CEP164: variants seen among roughly 807,000 people sequenced by gnomAD.
The protein encoded by CEP164 is centrosomal protein 164.
Under a neutral mutation model 182.7 loss-of-function variants are expected in CEP164, and 162 were observed. The ratio of observed to expected loss-of-function variants is 0.89; its 90% CI spans 0.78 to 1.01. The LOEUF (loss-of-function observed/expected upper bound fraction) is 1.01. Among genes scored for constraint, CEP164 ranks in the 50% least tolerant of loss-of-function variants. CEP164 has a pLI of 0.00. For missense variants in CEP164, 1,735 were observed against 1,790.4 expected, an observed-to-expected ratio of 0.97 and a Z score of 0.56; for synonymous variants, 661 against 690.0, an observed-to-expected ratio of 0.96 and a Z score of 0.66.
intron 8 of CEP164, among the ~76,000 whole-genome samples, chr11:117,369,141 A>G (rs1002224521): frequency 1.3e-5 from 2 of 152,368 alleles, no homozygotes; most frequent in Non-Finnish European, 1.5e-5. Context: ...AGTGTTTGGC[A>G]CATAGAATGT....
chr11:117,370,681 C>T lies in CEP164; in HGVS notation c.766-399C>T, dbSNP rs927719892. Among the ~76,000 whole-genome samples the T allele has an allele frequency of 8.5e-5, 13 of 152,086 alleles. No individual in the cohort carries two copies. In the East Asian group the frequency reaches 1.9e-3, roughly 23 times the overall value. The stretch of plus-strand genomic sequence containing the variant: ...ATCCCAGCACTTTGGGAGGCTGAGG[C>T]GGGTGGATTGCTTGAGGCCAGGAGT... On this transcript the variant is annotated intron_variant, in intron 8 of 32. Transcript: ENST00000278935.
chr11:117,377,236 A>T (rs1302424944), intron 11 of CEP164, among the ~76,000 whole-genome samples: 1 of 152,126 alleles, frequency 6.6e-6, no homozygotes, highest in East Asian at 1.9e-4. Context: ...GGAGTGCGCA[A>T]CCTAGATCCC....
At chr11:117,356,704 C>T in intron 5 of CEP164, 2 of 1,150,940 alleles carry the variant, frequency 1.7e-6, no homozygotes, top group South Asian at 1.6e-5. Flanking sequence ...AGCCATCAGG[C>T]CTGCATTCCT....
Position 117,404,478 on chromosome 11 carries a change from G to A in CEP164, c.3502-3447G>A, listed in dbSNP as rs375121365. 1.5e-4 allele frequency among the ~76,000 whole-genome samples: 23 copies of A among 152,284 alleles called. No homozygotes were observed. In the East Asian group the frequency reaches 3.3e-3, roughly 22 times the overall value. ...CCCTATTTGCTTGGATATCACCAGC[G>A]GAGGCTGCAGAACAGCAAAGATTGC... On this transcript the variant is annotated intron_variant, in intron 27 of 32. Coordinates refer to ENST00000278935, the MANE Select transcript of CEP164 (RefSeq NM_014956.5).
At chr11:117,377,197 C>A (rs2042844830) in intron 11 of CEP164, among the ~76,000 whole-genome samples, 1 of 151,884 alleles carries the variant, frequency 6.6e-6, no homozygotes, top group South Asian at 2.1e-4. Flanking sequence ...CCAGATGGGG[C>A]CAGGGGTGGG....
chr11:117,409,750 T>C lies in CEP164; in HGVS notation c.3881T>C (p.Leu1294Pro), dbSNP rs746986183. ...SLNPQSPPPL[L>P]ASMPAQLPPR... is the part of the protein sequence containing the mutation. ...AACCCTCAGTCGCCGCCGCCGCTCC[T>C]CGCCTCCATGCCAGCCCAGCTCCCT... The change falls in exon 30 of 33, where the codon CTC (leucine) becomes CCC (proline). Residue 1294 changes from leucine to proline, a missense_variant. Coordinates refer to ENST00000278935, the MANE Select transcript of CEP164 (RefSeq NM_014956.5). The surrounding 1 kb of genome is among the most constrained non-coding windows in gnomAD (Gnocchi z 4.4). The C allele has an allele frequency of 6.2e-7, 1 of 1,614,002 alleles. No homozygotes were observed. The highest frequency in any genetic ancestry group is 1.3e-5 in the African/African-American group (1 of 75,036).
chr11:117,408,733 A>C, intron 28 of CEP164, 157 bp from the exon 29 acceptor site: 14 of 853,720 alleles, frequency 1.6e-5, no homozygotes, highest in Non-Finnish European at 2.1e-5. Context: ...ACAAATGGAG[A>C]TGGCCATATT....
chr11:117,382,681 T>G, intron 13 of CEP164, 115 bp from the exon 14 acceptor site: 1 of 1,256,204 alleles, frequency 8.0e-7, no homozygotes, highest in South Asian at 1.4e-5. Flanking sequence ...GGTAGGGAAA[T>G]TGTTGGGCTG....
At position 117,363,430 on chromosome 11, in the gene CEP164, G is replaced by T. The variant is rs1422612600; in HGVS notation, c.689G>T (p.Ser230Ile). 6.2e-7 allele frequency: 1 copy of T among 1,612,654 alleles called. No homozygotes were observed. ...EEDEEESDNQ[S>I]VHSSSEPLRN... Reference sequence around the variant, plus strand: ...ACTTGTCATCATTTTTGTTTCTAGAGTGTCCACAGCTCAAGTGAGCCTCTT... The same window carrying T: ...ACTTGTCATCATTTTTGTTTCTAGATTGTCCACAGCTCAAGTGAGCCTCTT... The change falls in exon 8 of 33, where the codon AGT becomes ATT. Residue 230 changes from serine (S) to isoleucine (I), a missense_variant and splice_region_variant. Coordinates refer to ENST00000278935, the MANE Select transcript of CEP164 (RefSeq NM_014956.5).
chr11:117,331,836 T>C (rs1324717348), intron 1 of CEP164, among the ~76,000 whole-genome samples: 3 of 151,424 alleles, frequency 2.0e-5, no homozygotes, highest in East Asian at 1.9e-4. Flanking sequence ...AGCCTCGAAC[T>C]CCTGGTCTCA....
intron 27 of CEP164, among the ~76,000 whole-genome samples, chr11:117,400,203 T>C (rs2045973032): frequency 6.6e-6 from 1 of 152,244 alleles, no homozygotes; most frequent in Non-Finnish European, 1.5e-5. Context: ...TTTCTGCATA[T>C]GGCTAGTCAG....
chr11:117,388,138 C>G (rs1030434067), intron 15 of CEP164, among the ~76,000 whole-genome samples: 2 of 152,218 alleles, frequency 1.3e-5, no homozygotes, highest in African/African-American at 4.8e-5. Flanking sequence ...CCTTAAGGTG[C>G]AGCACCTTGG....
chr11:117,411,891 G>T lies in CEP164; in HGVS notation c.4260G>T (p.Leu1420=). The T allele has an allele frequency of 6.2e-7, 1 of 1,614,152 alleles. No homozygotes were observed. The highest frequency in any genetic ancestry group is 8.5e-7 in the Non-Finnish European group (1 of 1,180,024). The change falls in exon 32 of 33, where the codon CTG becomes CTT. Residue 1420 remains leucine (L), a synonymous_variant. Coordinates refer to ENST00000278935, the MANE Select transcript of CEP164 (RefSeq NM_014956.5). This position sits in a 1 kb window ranked among gnomAD's most constrained non-coding sequence, Gnocchi z 4.4. ...TAATTGAGGCCAACCGGAGGTGGCT[G>T]GAACGTGTCAAGAATGACCCCAGGT... The part of the protein sequence containing the change: ...QGIIEANRRW[L]ERVKNDPRLP...
At position 117,411,570 on chromosome 11, in the gene CEP164, A is replaced by G; in HGVS notation, c.4164-225A>G. On this transcript the variant is annotated intron_variant, in intron 31 of 32. Coordinates refer to ENST00000278935, the MANE Select transcript of CEP164 (RefSeq NM_014956.5). This position sits in a 1 kb window ranked among gnomAD's most constrained non-coding sequence, Gnocchi z 4.4. ...ATGTGGGAGCCCAGAGCCTTGTATC[A>G]GTAGCACCCAGCAAGGGGGCAGAGG... 1 of 511,734 alleles carries G rather than the reference A, an allele frequency of 2.0e-6. No individual in the cohort carries two copies. Among genetic ancestry groups the G allele is most frequent in the Non-Finnish European group, 3.5e-6 (1 of 288,406 alleles). The allele number at this position is 511,734 out of a possible 1,614,324, so 31.7% of individuals were successfully genotyped here.
intron 3 of CEP164, among the ~76,000 whole-genome samples, chr11:117,339,520 TTG>T (rs1287737830): frequency 0.096 from 8,160 of 85,374 alleles, 1,072 homozygotes; most frequent in East Asian, 0.21. Flanking sequence ...CCTTTGTTTT[TTG>T]TTTTTTTTTT....
At chr11:117,364,469 A>G (rs1464383219) in intron 8 of CEP164, among the ~76,000 whole-genome samples, 1 of 152,106 alleles carries the variant, frequency 6.6e-6, no homozygotes, top group Non-Finnish European at 1.5e-5. Context: ...TTGGTGTCTC[A>G]GGCCACTTGA....
At chr11:117,355,808 G>A (rs921246461) in intron 5 of CEP164, 16 of 1,090,904 alleles carry the variant, frequency 1.5e-5, no homozygotes, top group Non-Finnish European at 1.8e-5. Flanking sequence ...GGCTCTAGGG[G>A]CCTCAGCTGA....
intron 1 of CEP164, among the ~76,000 whole-genome samples, chr11:117,329,174 G>T (rs1160316665): frequency 6.6e-6 from 1 of 151,442 alleles, no homozygotes; most frequent in Non-Finnish European, 1.5e-5. Context: ...CTAGTACACT[G>T]CAGCCTCGAA....
intron 2 of CEP164, among the ~76,000 whole-genome samples, chr11:117,336,788 C>T (rs1021372728): frequency 6.6e-6 from 1 of 151,978 alleles, no homozygotes; most frequent in African/African-American, 2.4e-5. Context: ...GAAGTGGGGA[C>T]TGGAGAGGTC....
Sources: gnomAD v4.1 joint callset for allele counts (sites outside exome capture counted in the v4.1 genomes callset) on GRCh38, gnomAD v4.1.1 for gene constraint, Gnocchi (gnomAD v3.1) non-coding constraint, MANE v1.5 for transcripts, NCBI Gene and HGNC (gene_info 2026-07-23, HGNC 2026-07-21) for gene names.